CHEK2: variants seen among roughly 807,000 people sequenced by gnomAD.
The protein encoded by CHEK2 is serine/threonine-protein kinase Chk2.
Under a neutral mutation model 69.1 loss-of-function variants are expected in CHEK2, and 71 were observed. The ratio of observed to expected loss-of-function variants is 1.03; its 90% CI spans 0.85 to 1.25. The LOEUF is 1.25. CHEK2 is among the 50% of genes most tolerant of loss of function. The pLI is 0.00. For synonymous variants in CHEK2, 189 were observed against 226.9 expected (o/e 0.83, Z 1.50); for missense variants, 664 against 649.6 (o/e 1.02, Z -0.24).
At chr22:28,692,027 G>T (rs938229129) in intron 13 of CHEK2, among the ~76,000 whole-genome samples, 15 of 152,206 alleles carry the variant, frequency 9.9e-5, no homozygotes, top group African/African-American at 3.6e-4. Flanking sequence ...AACAAAAGGT[G>T]GCTAAAAGAG....
Position 28,725,219 on chromosome 22 carries a change from G to A in CHEK2, c.444+24C>T, listed in dbSNP as rs121908699. 1.6e-3 allele frequency: 2,577 copies of A among 1,613,990 alleles called. 4 individuals are homozygous for A. The highest frequency in any genetic ancestry group is 1.9e-3 in the Non-Finnish European group (2,281 of 1,179,954). On this transcript the variant is annotated intron_variant, in intron 3 of 14. Coordinates refer to ENST00000404276, the MANE Select transcript of CHEK2 (RefSeq NM_007194.4). ...AATGACCAAATTACCAGCTCTCCTA[G>A]ATACATGGGTATTCATTACCTACCC...
rs764277564 is a variant in CHEK2 at position 28,688,002 on chromosome 22, A to C, written c.1543-16T>G. The C allele has an allele frequency of 6.4e-7, 1 of 1,569,184 alleles. No homozygotes were observed. The highest frequency in any genetic ancestry group is 8.7e-7 in the Non-Finnish European group (1 of 1,156,042). ...TAGTAGAAGGCTGAAAATAAAGGAA[A>C]ATGGAGAAATGTTCAAAAGAAAATC... On this transcript the variant is annotated splice_polypyrimidine_tract_variant and intron_variant, in intron 14 of 14. Coordinates refer to ENST00000404276, the MANE Select transcript of CHEK2 (RefSeq NM_007194.4).
intron 1 of CHEK2, among the ~76,000 whole-genome samples, chr22:28,738,571 G>C (rs9608698): frequency 0.39 from 59,259 of 151,990 alleles, 14,158 homozygotes; most frequent in Non-Finnish European, 0.54. Context: ...TTGCTATCTG[G>C]GAGCTATTGC....
chr22:28,696,215 C>T (rs577952081), intron 10 of CHEK2, among the ~76,000 whole-genome samples: 8 of 152,206 alleles, frequency 5.3e-5, no homozygotes, highest in Non-Finnish European at 7.4e-5. Flanking sequence ...AACTTGGCTG[C>T]GCTATGGAAT....
intron 4 of CHEK2, 53 bp from the exon 5 acceptor site, chr22:28,719,538 A>G: frequency 9.9e-7 from 1 of 1,009,064 alleles, no homozygotes; most frequent in Non-Finnish European, 1.5e-6. Flanking sequence ...ACAAGAGGCG[A>G]TCACTGATTC....
chr22:28,694,431 A>C (rs2052484756), intron 12 of CHEK2, among the ~76,000 whole-genome samples: 1 of 152,136 alleles, frequency 6.6e-6, no homozygotes, highest in Admixed American at 6.5e-5. Flanking sequence ...ATTCTAAGAT[A>C]CTTGGGATGC....
At chr22:28,709,075 G>A in intron 7 of CHEK2, 1 of 235,398 alleles carries the variant, frequency 4.2e-6, no homozygotes. Flanking sequence ...TGCCTTCATG[G>A]GCACTTATGA....
intron 4 of CHEK2, 110 bp downstream of exon 4, chr22:28,724,867 C>A (rs17880171): frequency 8.4e-7 from 1 of 1,189,976 alleles, no homozygotes; most frequent in Non-Finnish European, 1.2e-6. Context: ...CGCCCAGCAA[C>A]TTACTCATCT....
At position 28,702,135 on chromosome 22, in the gene CHEK2, C is replaced by CTGTGTGTGTGTGTGTG. The variant is rs141703411; in HGVS notation, c.908+1354_908+1369dup. Among the ~76,000 whole-genome samples, 529 of 140,394 alleles carry CTGTGTGTGTGTGTGTG rather than the reference C, an allele frequency of 3.8e-3. 4 individuals carry two copies. Among genetic ancestry groups the CTGTGTGTGTGTGTGTG allele is most frequent in the East Asian group, 0.013 (60 of 4,760 alleles). The allele number at this position is 140,394 out of a possible 152,430, so 92.1% of individuals were successfully genotyped here. On this transcript the variant is annotated intron_variant, in intron 8 of 14. Transcript: ENST00000404276. ...CCCGGCTAATTTTGTGTGTGTGTGT[C>CTGTGTGTGTGTGTGTG]TGTGTGTGTGTGTGTGTGTGTGTGT...
intron 9 of CHEK2, 39 bp from the exon 10 acceptor site, chr22:28,697,026 G>T: frequency 1.6e-6 from 2 of 1,267,610 alleles, no homozygotes; most frequent in Non-Finnish European, 1.2e-6. Context: ...GATTCATGCA[G>T]TAGATACTTA....
intron 11 of CHEK2, 113 bp from the exon 12 acceptor site, chr22:28,695,355 A>C: frequency 1.4e-6 from 1 of 730,602 alleles, no homozygotes; most frequent in Middle Eastern, 3.7e-4. Context: ...TCTTTAAATC[A>C]ATGGTCAAAA....
intron 8 of CHEK2, among the ~76,000 whole-genome samples, chr22:28,702,173 T>TG (rs2052892666): frequency 1.2e-5 from 1 of 81,958 alleles, no homozygotes; most frequent in Non-Finnish European, 2.9e-5. Flanking sequence ...GTGTGTGTGT[T>TG]TTGTACAGAT....
chr22:28,734,649 C>T lies in CHEK2; in HGVS notation c.73G>A (p.Val25Ile), dbSNP rs142243299. 6.2e-6 allele frequency: 10 copies of T among 1,613,828 alleles called. No individual in the cohort carries two copies. The highest frequency in any genetic ancestry group is 2.7e-5 in the African/African-American group (2 of 74,934). Residue 25 changes from valine (V) to isoleucine (I), a missense_variant, in exon 2 of 15, where the codon GTT becomes ATT. Transcript: ENST00000404276. Reference protein sequence around the residue: ...SSACSQPHGSVTQSQGSSSQS... With the variant: ...SSACSQPHGSITQSQGSSSQS... ...GAGGAGGAGCCTTGGGACTGGGTAACGCTGCCATGGGGCTGTGAACAGGCA... is the reference window on the plus strand; with the variant it reads ...GAGGAGGAGCCTTGGGACTGGGTAATGCTGCCATGGGGCTGTGAACAGGCA...
Position 28,741,483 on chromosome 22 carries a change from T to A in CHEK2, c.-7+286A>T, listed in dbSNP as rs17879734. Among the ~76,000 whole-genome samples the A allele has an allele frequency of 0.02, 3,062 of 152,228 alleles. 105 individuals carry two copies. The highest frequency in any genetic ancestry group is 0.07 in the African/African-American group (2,924 of 41,520). On this transcript the variant is annotated intron_variant, in intron 1 of 14. Coordinates refer to ENST00000404276, the MANE Select transcript of CHEK2 (RefSeq NM_007194.4). ...TTGAACCTAAAGAATGGCAACGATT[T>A]CTAACATCTATAGAATTTTTACGAA...
intron 2 of CHEK2, among the ~76,000 whole-genome samples, 153 bp downstream of exon 2, chr22:28,734,250 T>C (rs1467314393): frequency 6.6e-6 from 1 of 152,218 alleles, no homozygotes; most frequent in Non-Finnish European, 1.5e-5. Flanking sequence ...AATAAATCTA[T>C]GCTTTCATTG....
chr22:28,736,917 C>T (rs1476897838), intron 1 of CHEK2, among the ~76,000 whole-genome samples: 2 of 152,152 alleles, frequency 1.3e-5, no homozygotes, highest in African/African-American at 4.8e-5. Flanking sequence ...ACATACCAGC[C>T]TGGGTGGCAG....
Position 28,696,843 on chromosome 22 carries a change from A to T in CHEK2, c.1095+58T>A, listed in dbSNP as rs2052602935. ...GCTCCCACTTTTTATTTGAGGAATT[A>T]AAAGTTTCTGAACAAGAATCTACAG... On this transcript the variant is annotated intron_variant, in intron 10 of 14. Transcript: ENST00000404276. 2.6e-6 allele frequency: 3 copies of T among 1,149,480 alleles called. No homozygotes were observed. In the African/African-American group the frequency reaches 4.5e-5, roughly 17 times the overall value. The allele number at this position is 1,149,480 out of a possible 1,614,324, so 71.2% of individuals were successfully genotyped here.
At chr22:28,716,406 A>G (rs965185659) in intron 5 of CHEK2, among the ~76,000 whole-genome samples, 1 of 151,836 alleles carries the variant, frequency 6.6e-6, no homozygotes, top group African/African-American at 2.4e-5. Context: ...CATGTTGGCC[A>G]GGCTGGTCTC....
intron 5 of CHEK2, among the ~76,000 whole-genome samples, chr22:28,716,917 G>A (rs924848211): frequency 1.3e-5 from 2 of 152,150 alleles, no homozygotes; most frequent in African/African-American, 4.8e-5. Context: ...CATAAGTATG[G>A]AGATTTCCAG....
Sources: allele counts gnomAD v4.1 joint callset (sites outside exome capture counted in the v4.1 genomes callset), GRCh38; gene constraint gnomAD v4.1.1; transcripts MANE v1.5; gene names NCBI Gene and HGNC (gene_info 2026-07-23, HGNC 2026-07-21).